Variants in TUBGCP2 observed in about 807,000 individuals in gnomAD.
TUBGCP2 encodes gamma-tubulin complex component 2.
A neutral mutation model predicts 92.2 loss-of-function variants in TUBGCP2; 55 were observed. The observed-to-expected ratio is 0.60, with a 90% CI of 0.48 to 0.75. TUBGCP2 has a LOEUF of 0.75. TUBGCP2 is among the 30% of genes least tolerant of loss of function. The pLI is 0.00. For synonymous variants in TUBGCP2, 533 were observed against 505.2 expected (o/e 1.06, Z -0.74); for missense variants, 1,093 against 1,188.9 (o/e 0.92, Z 1.19).
intron 15 of TUBGCP2, 145 bp from the exon 16 acceptor site, chr10:133,282,487 G>A (rs1404177112): frequency 6.7e-6 from 8 of 1,192,790 alleles, no homozygotes; most frequent in Admixed American, 3.3e-5. Flanking sequence ...TGAGGCTGCA[G>A]GGGAAATGAC....
At position 133,302,902 on chromosome 10, in the gene TUBGCP2, G is replaced by A. The variant is rs779094651; in HGVS notation, c.40C>T (p.Leu14Phe). ...FRIHHDVNEL[L>F]SLLRVHGGDG... is the part of the protein sequence containing the mutation. ...CCTCCGTGGACACGCAGCAGGCTAA[G>A]CAGTTCATTGACGTCATGGTGAATC... The change falls in exon 2 of 18, where the codon CTT becomes TTT. Residue 14 changes from leucine (L) to phenylalanine (F), a missense_variant. By Grantham distance (22) the Leu-to-Phe change is conservative. Around this residue, in one of 3 missense-constraint regions of TUBGCP2, gnomAD observed 490 missense variants for 488.5 expected, o/e 1.00. Coordinates refer to ENST00000252936, the MANE Select transcript of TUBGCP2 (RefSeq NM_006659.4). The A allele has an allele frequency of 2.2e-5, 35 of 1,613,944 alleles. No individual in the cohort carries two copies. Among genetic ancestry groups the A allele is most frequent in the Non-Finnish European group, 2.9e-5 (34 of 1,180,026 alleles).
chr10:133,281,172 G>C, intron 17 of TUBGCP2, 101 bp downstream of exon 17: 1 of 1,026,474 alleles, frequency 9.7e-7, no homozygotes, highest in Non-Finnish European at 1.4e-6. Context: ...AGGGGCAGGT[G>C]CTGGACTGAG....
Position 133,293,775 on chromosome 10 carries a change from G to T in TUBGCP2, c.617-6C>A. 6.3e-7 allele frequency: 1 copy of T among 1,575,984 alleles called. No homozygotes were observed. The highest frequency in any genetic ancestry group is 1.9e-5 in the Admixed American group (1 of 53,842). On this transcript the variant is annotated splice_polypyrimidine_tract_variant and splice_region_variant and intron_variant, in intron 5 of 17. Coordinates refer to ENST00000252936, the MANE Select transcript of TUBGCP2 (RefSeq NM_006659.4). The stretch of plus-strand genomic sequence containing the variant: ...CGAGGCCAGGGGCAACGTGCCTGCG[G>T]GCACAGACAGCGCTGTGGCTCTGCA...
intron 2 of TUBGCP2, among the ~76,000 whole-genome samples, chr10:133,301,169 C>G (rs765806393): frequency 6.6e-6 from 1 of 152,198 alleles, no homozygotes; most frequent in African/African-American, 2.4e-5. Flanking sequence ...GCTCTTGTTG[C>G]CCAGGCTGGA....
chr10:133,282,426 C>T (rs1209536169), intron 15 of TUBGCP2, 84 bp from the exon 16 acceptor site: 4 of 1,480,834 alleles, frequency 2.7e-6, no homozygotes, highest in Non-Finnish European at 2.7e-6. Flanking sequence ...GCAGGCACGT[C>T]ACCCTCCGCA....
chr10:133,300,289 T>C (rs1279689846), intron 2 of TUBGCP2, 176 bp from the exon 3 acceptor site: 6 of 787,928 alleles, frequency 7.6e-6, no homozygotes, highest in Non-Finnish European at 9.5e-6. Flanking sequence ...AACTTATCCA[T>C]GTTTTGAGCT....
chr10:133,280,077 G>A (rs924522740), intron 17 of TUBGCP2, among the ~76,000 whole-genome samples, 176 bp from the exon 18 acceptor site: 3 of 152,222 alleles, frequency 2.0e-5, no homozygotes, highest in African/African-American at 7.2e-5. Flanking sequence ...CTGCGGGTCC[G>A]TCCTGAGCAG....
intron 11 of TUBGCP2, among the ~76,000 whole-genome samples, chr10:133,286,789 G>A (rs987521895): frequency 3.9e-5 from 6 of 152,146 alleles, no homozygotes; most frequent in Admixed American, 6.5e-5. Flanking sequence ...AACCACCCAC[G>A]GCTCCAACAA....
At chr10:133,281,833 A>G (rs1319786521) in intron 16 of TUBGCP2, among the ~76,000 whole-genome samples, 2 of 152,114 alleles carry the variant, frequency 1.3e-5, no homozygotes, top group Admixed American at 6.5e-5. Flanking sequence ...CCACCATGCC[A>G]CCCCGGAGCC....
chr10:133,288,884 C>T lies in TUBGCP2; in HGVS notation c.1497G>A (p.Leu499=), dbSNP rs1847202230. 1.9e-6 allele frequency: 3 copies of T among 1,613,924 alleles called. No individual in the cohort carries two copies. Among genetic ancestry groups the T allele is most frequent in the Non-Finnish European group, 1.7e-6 (2 of 1,179,874 alleles). ...CCTTCTCCTCCATCAGGAAGTCCAG[C>T]AGCACCTTGCTGGCGTAGTTAAACG... is the stretch of plus-strand genomic sequence containing the variant. ...EKAFNYASKV[L]LDFLMEEKEL... The change falls in exon 10 of 18, where the codon CTG becomes CTA. Residue 499 remains leucine, a synonymous_variant. Coordinates refer to ENST00000252936, the MANE Select transcript of TUBGCP2 (RefSeq NM_006659.4).
chr10:133,299,488 T>C lies in TUBGCP2; in HGVS notation c.395A>G (p.Gln132Arg), dbSNP rs1847580134. Residue 132 changes from glutamine to arginine, a missense_variant, in exon 4 of 18, where the codon CAG becomes CGG. Physicochemically the swap from Gln to Arg is conservative, Grantham distance 43. Transcript: ENST00000252936. ...CTGCTTCCTCAGTTCCTCAAGCTCC[T>C]GCATGGAGATCTTGGAGGCCGCGGC... ...VPAAASKISMQELEELRKQLG... is the reference protein window; with the variant it reads ...VPAAASKISMRELEELRKQLG... 4 of 1,613,000 alleles carry C rather than the reference T, an allele frequency of 2.5e-6. No homozygotes were observed. The highest frequency in any genetic ancestry group is 1.1e-5 in the South Asian group (1 of 91,060).
At position 133,293,690 on chromosome 10, in the gene TUBGCP2, G is replaced by A. The variant is rs138177124; in HGVS notation, c.696C>T (p.Tyr232=). 221 of 1,603,598 alleles carry A rather than the reference G, an allele frequency of 1.4e-4. No homozygotes were observed. In the African/African-American group the frequency reaches 1.9e-3, roughly 14 times the overall value. ...TCCCAGCCAGGGGCTGAGCACTGACGTACCTCCCGTCCACGCCCACCAGCA... is the reference window on the plus strand; with the variant it reads ...TCCCAGCCAGGGGCTGAGCACTGACATACCTCCCGTCCACGCCCACCAGCA... ...LYVLVGVDGR[Y]VSAQPLAGRQ... Residue 232 remains tyrosine, a synonymous_variant, in exon 6 of 18, where the codon TAC becomes TAT. Coordinates refer to ENST00000252936, the MANE Select transcript of TUBGCP2 (RefSeq NM_006659.4).
At position 133,282,404 on chromosome 10, in the gene TUBGCP2, A is replaced by G. The variant is rs116810465; in HGVS notation, c.2290-62T>C. The G allele has an allele frequency of 8.8e-4, 1,341 of 1,524,540 alleles. 7 individuals carry two copies. In the African/African-American group the frequency reaches 0.016, roughly 18 times the overall value. The allele number at this position is 1,524,540 out of a possible 1,614,324, so 94.4% of individuals were successfully genotyped here. On this transcript the variant is annotated intron_variant, in intron 15 of 17. Transcript: ENST00000252936. Reference sequence around the variant, plus strand: ...GTTACAACCACAATGCTTTGCAGAAAAAACAAGTCCTGCAGGCACGTCACC... The same window carrying G: ...GTTACAACCACAATGCTTTGCAGAAGAAACAAGTCCTGCAGGCACGTCACC...
chr10:133,282,928 G>A (rs548942193), intron 15 of TUBGCP2, 150 bp downstream of exon 15: 1 of 1,152,426 alleles, frequency 8.7e-7, no homozygotes, highest in South Asian at 1.5e-5. Flanking sequence ...CGGCCAGGAA[G>A]ACCAGGAGTT....
chr10:133,308,725 C>T, intron 1 of TUBGCP2, 98 bp downstream of exon 1: 1 of 316,206 alleles, frequency 3.2e-6, no homozygotes, highest in Non-Finnish European at 5.8e-6. Context: ...GCGGGAAGAG[C>T]CGCGTCCCGC....
intron 17 of TUBGCP2, among the ~76,000 whole-genome samples, chr10:133,280,586 G>A (rs1482625780): frequency 2.6e-5 from 4 of 152,212 alleles, no homozygotes; most frequent in Non-Finnish European, 4.4e-5. Flanking sequence ...GGTGCCAATG[G>A]GGCAGCCCAG....
chr10:133,283,093 G>A lies in TUBGCP2; in HGVS notation c.2274C>T (p.Phe758=). The A allele has an allele frequency of 6.2e-7, 1 of 1,614,220 alleles. No homozygotes were observed. Among genetic ancestry groups the A allele is most frequent in the Non-Finnish European group, 8.5e-7 (1 of 1,180,048 alleles). Residue 758 remains phenylalanine (F), a synonymous_variant, in exon 15 of 18, where the codon TTC becomes TTT. Transcript: ENST00000252936. ...ACCCACGCACCTGCATGCAGTTGGT[G>A]AACATGACGCACACAGACATGAGCT... is the stretch of plus-strand genomic sequence containing the variant. ...FSKLMSVCVM[F]TNCMQKFTQS...
chr10:133,291,001 A>G (rs1431886189), intron 8 of TUBGCP2: 2 of 175,902 alleles, frequency 1.1e-5, no homozygotes, highest in African/African-American at 2.4e-5. Flanking sequence ...ATTTAAATAT[A>G]TCGCACTGAA....
intron 8 of TUBGCP2, 36 bp from the exon 9 acceptor site, chr10:133,290,005 G>C: frequency 6.2e-7 from 1 of 1,600,814 alleles, no homozygotes; most frequent in Non-Finnish European, 8.6e-7. Flanking sequence ...CACAGGCAAA[G>C]CAAGGGCGCC....
Sources: allele counts gnomAD v4.1 joint callset (sites outside exome capture counted in the v4.1 genomes callset), GRCh38; gene constraint gnomAD v4.1.1; regional missense constraint gnomAD v4.1.1; transcripts MANE v1.5; gene names NCBI Gene and HGNC (gene_info 2026-07-23, HGNC 2026-07-21).